Variants in OPA1 observed in about 807,000 individuals in gnomAD.
OPA1 encodes the protein dynamin-like GTPase OPA1, mitochondrial.
Under a neutral mutation model 152.9 loss-of-function variants are expected in OPA1, and 59 were observed. The observed-to-expected ratio is 0.39, with a 90% CI of 0.31 to 0.48. OPA1 has a LOEUF of 0.48. OPA1 is among the 20% of genes least tolerant of loss of function. The pLI, the probability that OPA1 is intolerant of heterozygous loss-of-function variation, is 0.96. For synonymous variants in OPA1, 400 were observed against 389.9 expected, an observed-to-expected ratio of 1.03 and a Z score of -0.31; for missense variants, 1,008 against 1,216.8, an observed-to-expected ratio of 0.83 and a Z score of 2.55.
rs368608501 is a variant in OPA1, at chr3:193,593,352, G to A, written c.-26G>A. The A allele has an allele frequency of 4.0e-5, 62 of 1,541,928 alleles. No individual in the cohort carries two copies. The highest frequency in any genetic ancestry group is 6.0e-5 in the South Asian group (5 of 83,096). On this transcript the variant is annotated 5_prime_UTR_variant, in exon 1 of 31. Transcript: ENST00000361510. Reference sequence around the variant, plus strand: ...GGGGCTCCCGCGTGGCCGTCTCGGCGCCTGCGTGACCTCCCCGCCGGCGGG... The same window carrying A: ...GGGGCTCCCGCGTGGCCGTCTCGGCACCTGCGTGACCTCCCCGCCGGCGGG...
chr3:193,666,265 A>G (rs977515641), intron 27 of OPA1, 31 bp from the exon 28 acceptor site: 2 of 1,567,352 alleles, frequency 1.3e-6, no homozygotes, highest in East Asian at 2.2e-5. Flanking sequence ...TTAACTTTGC[A>G]TCTGGTAATC....
At chr3:193,669,328 A>G (rs551916426) in intron 29 of OPA1, among the ~76,000 whole-genome samples, 2 of 152,196 alleles carry the variant, frequency 1.3e-5, no homozygotes, top group East Asian at 1.9e-4. Context: ...TTCGAGACAT[A>G]TCTCATTTTA....
chr3:193,648,272 C>T (rs1228768177), intron 20 of OPA1, 138 bp downstream of exon 20: 2 of 652,222 alleles, frequency 3.1e-6, no homozygotes, highest in East Asian at 5.6e-5. Context: ...AAGAATACAT[C>T]TCTAGGAGCA....
At chr3:193,604,604 T>C (rs1726943298) in intron 1 of OPA1, among the ~76,000 whole-genome samples, 1 of 152,158 alleles carries the variant, frequency 6.6e-6, no homozygotes, top group South Asian at 2.1e-4. Flanking sequence ...CTAACGCCTG[T>C]AATCCCAGCA....
Position 193,657,067 on chromosome 3 carries a change from C to A in OPA1, c.2179-13C>A. 1 of 1,587,000 alleles carries A rather than the reference C, an allele frequency of 6.3e-7. No homozygotes were observed. The highest frequency in any genetic ancestry group is 1.2e-5 in the South Asian group (1 of 85,840). ...AGTAATAATATGGCTTTTTTTCTTT[C>A]AAATAATTATAGGTTGCTTGGGAGA... On this transcript the variant is annotated splice_polypyrimidine_tract_variant and intron_variant, in intron 22 of 30. Transcript: ENST00000361510.
intron 6 of OPA1, among the ~76,000 whole-genome samples, chr3:193,620,366 T>G (rs1244326146): frequency 1.3e-5 from 2 of 152,152 alleles, no homozygotes; most frequent in Non-Finnish European, 2.9e-5. Context: ...CCGGCTAAGG[T>G]CATAGATGAA....
intron 29 of OPA1, among the ~76,000 whole-genome samples, chr3:193,680,407 A>C (rs968011721): frequency 6.6e-6 from 1 of 152,212 alleles, no homozygotes; most frequent in Non-Finnish European, 1.5e-5. Context: ...TCCAGGACCC[A>C]GTCATGCAGT....
chr3:193,615,588 A>C (rs1241022702), intron 2 of OPA1, 86 bp from the exon 3 acceptor site: 13 of 825,516 alleles, frequency 1.6e-5, no homozygotes, highest in Non-Finnish European at 2.6e-5. Context: ...TTCTTAGTAG[A>C]TTAATGTGTT....
chr3:193,689,629 G>A lies in OPA1; in HGVS notation c.2984-2434G>A, dbSNP rs1424812906. Among the ~76,000 whole-genome samples, 3 of 152,136 alleles carry A rather than the reference G, an allele frequency of 2.0e-5. No homozygotes were observed. In the East Asian group the frequency reaches 5.8e-4, roughly 29 times the overall value. The stretch of plus-strand genomic sequence containing the variant: ...AATTCAATTGGATCTTCTCTGAATA[G>A]TCTCTTGTAGGGAGTGAGGCTGCTG... On this transcript the variant is annotated intron_variant, in intron 29 of 30. Coordinates refer to ENST00000361510, the MANE Select transcript of OPA1 (RefSeq NM_130837.3).
intron 5 of OPA1, 73 bp from the exon 6 acceptor site, chr3:193,618,796 G>T: frequency 8.5e-7 from 1 of 1,170,158 alleles, no homozygotes. Context: ...TCATTGACTC[G>T]ATGTAATTTG....
At chr3:193,614,092 T>A (rs1215717647) in intron 1 of OPA1, 2 of 414,946 alleles carry the variant, frequency 4.8e-6, no homozygotes, top group Non-Finnish European at 9.4e-6. Context: ...ATGTGTACAT[T>A]TAAATTCTGT....
intron 8 of OPA1, 55 bp downstream of exon 8, chr3:193,631,720 A>G: frequency 6.9e-7 from 1 of 1,444,364 alleles, no homozygotes; most frequent in Non-Finnish European, 9.7e-7. Flanking sequence ...ATTCGAATGT[A>G]ACTTTGGTGA....
intron 6 of OPA1, among the ~76,000 whole-genome samples, chr3:193,621,370 A>G (rs925177299): frequency 4.6e-5 from 7 of 152,208 alleles, no homozygotes; most frequent in African/African-American, 1.7e-4. Context: ...GACAGAATAA[A>G]CATGATGAAC....
At chr3:193,667,147 G>A in intron 28 of OPA1, 23 bp from the exon 29 acceptor site, 2 of 1,164,002 alleles carry the variant, frequency 1.7e-6, no homozygotes, top group Non-Finnish European at 2.6e-6. Flanking sequence ...TGCTCCTCAG[G>A]TTTTTTAACT....
At chr3:193,634,059 C>G in intron 8 of OPA1, among the ~76,000 whole-genome samples, 1 of 151,942 alleles carries the variant, frequency 6.6e-6, no homozygotes, top group East Asian at 1.9e-4. Flanking sequence ...TTACTTTGTT[C>G]TTGAAAGATT....
intron 1 of OPA1, among the ~76,000 whole-genome samples, chr3:193,595,652 C>T (rs896854618): frequency 2.0e-5 from 3 of 152,110 alleles, no homozygotes; most frequent in African/African-American, 7.2e-5. Flanking sequence ...ATCCTTTATC[C>T]TAAATTTCTC....
intron 1 of OPA1, among the ~76,000 whole-genome samples, chr3:193,600,763 T>C (rs1726338345): frequency 6.6e-6 from 1 of 152,184 alleles, no homozygotes; most frequent in Admixed American, 6.5e-5. Context: ...GATATAAAGA[T>C]TAGAAACCCT....
intron 11 of OPA1, among the ~76,000 whole-genome samples, chr3:193,642,469 G>A (rs2109037356): frequency 6.6e-6 from 1 of 152,296 alleles, no homozygotes; most frequent in East Asian, 1.9e-4. Context: ...GCTGTGTATA[G>A]CATTGACTGG....
chr3:193,600,245 A>G (rs1049125157), intron 1 of OPA1, among the ~76,000 whole-genome samples: 6 of 152,232 alleles, frequency 3.9e-5, no homozygotes, highest in African/African-American at 1.4e-4. Context: ...TCACCATCAT[A>G]AAGACTTATT....
Sources: gnomAD v4.1 joint callset for allele counts (sites outside exome capture counted in the v4.1 genomes callset) on GRCh38, gnomAD v4.1.1 for gene constraint, MANE v1.5 for transcripts, NCBI Gene and HGNC (gene_info 2026-07-23, HGNC 2026-07-21) for gene names.